Variants in LYST observed in about 807,000 individuals in gnomAD.
LYST encodes lysosomal trafficking regulator.
A neutral mutation model predicts 413.6 loss-of-function variants in LYST; 192 were observed. That is an observed-to-expected ratio of 0.46 (90% CI 0.41 to 0.52). The LOEUF (loss-of-function observed/expected upper bound fraction) is 0.52. Ranked by LOEUF, LYST falls within the 20% of genes least tolerant of loss-of-function variation. LYST has a pLI of 0.00. For missense variants in LYST, 3,815 were observed against 4,499.9 expected (o/e 0.85, Z 4.35); for synonymous variants, 1,525 against 1,567.3 (o/e 0.97, Z 0.64).
intron 31 of LYST, chr1:235,738,434 T>C: frequency 3.7e-6 from 6 of 1,613,272 alleles, no homozygotes; most frequent in Non-Finnish European, 5.1e-6. Context: ...CTTTGACCTA[T>C]AGTGGCTTGG....
rs1658263814 is a variant in LYST, at chr1:235,664,388, G to C, written c.11195+77C>G. The stretch of plus-strand genomic sequence containing the variant: ...TAAATACTGAATATTAATATGCCTA[G>C]ATATTAAAAATTAATTTCTGAAACT... On this transcript the variant is annotated intron_variant, in intron 51 of 52. Coordinates refer to ENST00000389793, the MANE Select transcript of LYST (RefSeq NM_000081.4). The surrounding 1 kb of genome is among the most constrained non-coding windows in gnomAD (Gnocchi z 4.5). 7.5e-7 allele frequency: 1 copy of C among 1,325,862 alleles called. No homozygotes were observed. The highest frequency in any genetic ancestry group is 1.1e-6 in the Non-Finnish European group (1 of 925,136). The allele number at this position is 1,325,862 out of a possible 1,614,324, so 82.1% of individuals were successfully genotyped here. A position where few individuals can be genotyped will look rare whatever the true frequency, so the allele number is the denominator to read the frequency against.
Position 235,730,565 on chromosome 1 carries a change from ATATGTGTG to A in LYST, c.9044+274_9044+281del, listed in dbSNP as rs1175143581. Among the ~76,000 whole-genome samples the A allele has an allele frequency of 3.5e-4, 37 of 105,486 alleles. 1 individual carries two copies. The East Asian group carries it at 7.4e-3, about 21-fold the overall frequency. 69.2% of individuals were successfully genotyped at this position (105,486 alleles called of 152,430 possible). A position where few individuals can be genotyped will look rare whatever the true frequency, so the allele number is the denominator to read the frequency against. On this transcript the variant is annotated intron_variant, in intron 36 of 52. Coordinates refer to ENST00000389793, the MANE Select transcript of LYST (RefSeq NM_000081.4). ...TATATGTGTATATATATACATATTTATATGTGTGTGTGTGTGTGTGTGTGTGTGTGTGT... is the reference window on the plus strand; with the variant it reads ...TATATGTGTATATATATACATATTTATGTGTGTGTGTGTGTGTGTGTGTGT...
chr1:235,827,702 T>C (rs1675489491), intron 3 of LYST: 1 of 982,888 alleles, frequency 1.0e-6, no homozygotes. Flanking sequence ...TTGCTACAGA[T>C]ATTCCAAAAA....
intron 20 of LYST, 112 bp downstream of exon 20, chr1:235,770,048 G>GAA (rs11443965): frequency 1.2e-3 from 1,006 of 838,972 alleles, no homozygotes; most frequent in Middle Eastern, 3.4e-3. Flanking sequence ...AGAGAAGATG[G>GAA]AAAAAAAAAA....
chr1:235,744,637 T>A (rs958633707), intron 29 of LYST, among the ~76,000 whole-genome samples: 1 of 151,482 alleles, frequency 6.6e-6, no homozygotes, highest in Non-Finnish European at 1.5e-5. Flanking sequence ...CGATGGCTCA[T>A]GCCTGTAATC....
intron 28 of LYST, 58 bp downstream of exon 28, chr1:235,751,152 A>G: frequency 6.8e-7 from 1 of 1,478,334 alleles, no homozygotes; most frequent in Non-Finnish European, 9.5e-7. Context: ...GCATAAGAAC[A>G]TAGGAAAGTC....
chr1:235,677,093 G>C lies in LYST; in HGVS notation c.11036C>G (p.Ser3679Ter). 1 of 1,612,846 alleles carries C rather than the reference G, an allele frequency of 6.2e-7. No individual in the cohort carries two copies. Among genetic ancestry groups the C allele is most frequent in the Non-Finnish European group, 8.5e-7 (1 of 1,178,924 alleles). ...TSGDIATVCD[S>*]AGGGSDLRLW... The stretch of plus-strand genomic sequence containing the variant: ...GCTTTGGGTTGGAGCAAGCTCACCT[G>C]AATCACACACAGTAGCAATATCACC... The change falls in exon 50 of 53, where the codon TCA becomes TGA. Residue 3679 changes from serine to a stop codon, truncating the protein, a stop_gained and splice_region_variant. Transcript: ENST00000389793. LOFTEE classifies it high-confidence loss of function.
At chr1:235,691,400 C>G (rs1660641722) in intron 47 of LYST, among the ~76,000 whole-genome samples, 1 of 152,198 alleles carries the variant, frequency 6.6e-6, no homozygotes, top group Admixed American at 6.5e-5. Flanking sequence ...ACAAAGATCA[C>G]AGGGCTTTAG....
intron 40 of LYST, among the ~76,000 whole-genome samples, chr1:235,719,216 C>T (rs978646532): frequency 1.6e-4 from 24 of 152,050 alleles, no homozygotes; most frequent in African/African-American, 5.8e-4. Flanking sequence ...TAGGGTTTCA[C>T]CATGTTGGCC....
At position 235,744,045 on chromosome 1, in the gene LYST, A is replaced by C. The variant is rs1479927083; in HGVS notation, c.8085T>G (p.Ser2695=). ...CTTTCTGAAATGGATTGAAAACAGA[A>C]GACTGTTCATGATGAATATTTTCCT... ...ISEENIHHEQ[S]SVFNPFQKEI... The change falls in exon 30 of 53, where the codon TCT becomes TCG. Residue 2695 remains serine, a synonymous_variant. Transcript: ENST00000389793. 6.3e-7 allele frequency: 1 copy of C among 1,578,832 alleles called. No individual in the cohort carries two copies. Among genetic ancestry groups the C allele is most frequent in the Non-Finnish European group, 8.7e-7 (1 of 1,148,492 alleles).
upstream of LYST, among the ~76,000 whole-genome samples, chr1:235,867,190 C>T (rs1680661220): frequency 6.6e-6 from 1 of 152,216 alleles, no homozygotes; most frequent in African/African-American, 2.4e-5. Context: ...GGTCGGGGGT[C>T]GTACCCTGGG....
intron 1 of LYST, among the ~76,000 whole-genome samples, chr1:235,857,776 C>T (rs865950198): frequency 4.2e-4 from 59 of 140,610 alleles, no homozygotes; most frequent in African/African-American, 1.5e-3. Flanking sequence ...CACACACACA[C>T]ACACACACAT....
rs918323888 is a variant in LYST, at chr1:235,662,401, T to C, written c.*539A>G. ...AGTATTTAGATATTCCATAAAATAT[T>C]TGGTACAGAGGCACCTACTGAATAA... On this transcript the variant is annotated 3_prime_UTR_variant, in exon 53 of 53. Transcript: ENST00000389793. 4 of 156,464 alleles carry C rather than the reference T, an allele frequency of 2.6e-5. No individual in the cohort carries two copies. The highest frequency in any genetic ancestry group is 4.2e-5 in the Non-Finnish European group (3 of 70,606). 9.7% of individuals were successfully genotyped at this position (156,464 alleles called of 1,614,324 possible).
intron 22 of LYST, among the ~76,000 whole-genome samples, chr1:235,761,242 TTCTA>T (rs1277383769): frequency 2.0e-5 from 3 of 152,178 alleles, no homozygotes; most frequent in East Asian, 3.8e-4. Context: ...ATATATCTAG[TTCTA>T]TCTATCTCTA....
intron 24 of LYST, among the ~76,000 whole-genome samples, chr1:235,756,983 T>C (rs1314797318): frequency 1.3e-5 from 2 of 152,158 alleles, no homozygotes; most frequent in African/African-American, 2.4e-5. Flanking sequence ...TGTTCAGATA[T>C]GGGGATTTAT....
rs1667679463 is a variant in LYST at position 235,762,382 on chromosome 1, G to A, written c.6253+338C>T. On this transcript the variant is annotated intron_variant, in intron 22 of 52. Coordinates refer to ENST00000389793, the MANE Select transcript of LYST (RefSeq NM_000081.4). ...AAAAAATGTGAAGCTGGAGTATTGG[G>A]TGGCCATTTATCTGGCAAGTGAAGT... Among the ~76,000 whole-genome samples the A allele has an allele frequency of 2.0e-5, 3 of 152,176 alleles. No homozygotes were observed. In the South Asian group the frequency reaches 6.2e-4, roughly 32 times the overall value.
At chr1:235,827,110 T>A (rs147821562) in intron 3 of LYST, among the ~76,000 whole-genome samples, 171 of 152,156 alleles carry the variant, frequency 1.1e-3, no homozygotes, top group African/African-American at 3.6e-3. Context: ...ACACCTGTAA[T>A]CCTAGCACTT....
rs1666489661 is a variant in LYST, at chr1:235,751,442, CAAT to C, written c.7628-83_7628-81del. On this transcript the variant is annotated intron_variant, in intron 27 of 52. Coordinates refer to ENST00000389793, the MANE Select transcript of LYST (RefSeq NM_000081.4). ...ATTGAACTGATTTTATGTATCATGA[CAAT>C]AATGTTTTGATATAAATTTTTAAAT... The C allele has an allele frequency of 1.0e-5, 12 of 1,202,428 alleles. No individual in the cohort carries two copies. The East Asian group carries it at 2.1e-4, about 21-fold the overall frequency. 74.5% of individuals were successfully genotyped at this position (1,202,428 alleles called of 1,614,324 possible).
In LYST at chr1:235,716,392, T is replaced by G. The variant is rs539108058; in HGVS notation, c.9627+320A>C. On this transcript the variant is annotated intron_variant, in intron 41 of 52. Transcript: ENST00000389793. ...ATTAACACTATTACATAAATAACACTAGGGGATACGAATAGCAGGTCCCTG... is the reference window on the plus strand; with the variant it reads ...ATTAACACTATTACATAAATAACACGAGGGGATACGAATAGCAGGTCCCTG... Among the ~76,000 whole-genome samples, 10 of 152,310 alleles carry G rather than the reference T, an allele frequency of 6.6e-5. No individual in the cohort carries two copies. In the South Asian group the frequency reaches 2.1e-3, roughly 32 times the overall value.
Sources: allele counts gnomAD v4.1 joint callset (sites outside exome capture counted in the v4.1 genomes callset), GRCh38; gene constraint gnomAD v4.1.1; non-coding constraint Gnocchi (gnomAD v3.1); transcripts MANE v1.5; gene names NCBI Gene and HGNC (gene_info 2026-07-23, HGNC 2026-07-21).